Variants in PCDH9 observed in about 807,000 individuals in gnomAD.
PCDH9 encodes protocadherin-9.
PCDH9 carries 24 observed loss-of-function variants against 70.6 expected under a neutral mutation model. That is an observed-to-expected ratio of 0.34 (90% CI 0.25 to 0.48). PCDH9 has a LOEUF of 0.48. Among genes scored for constraint, PCDH9 ranks in the 20% least tolerant of loss-of-function variants. PCDH9 has a pLI of 0.99. For missense variants in PCDH9, 1,281 were observed against 1,503.6 expected, an observed-to-expected ratio of 0.85 and a Z score of 2.45; for synonymous variants, 562 against 558.5, an observed-to-expected ratio of 1.01 and a Z score of -0.09.
At chr13:66,977,887 T>G (rs2083653973) in intron 2 of PCDH9, among the ~76,000 whole-genome samples, 1 of 152,090 alleles carries the variant, frequency 6.6e-6, no homozygotes. Context: ...ACAAGGCAAT[T>G]AAAGGAATGC....
intron 3 of PCDH9, among the ~76,000 whole-genome samples, chr13:66,812,035 T>C (rs1415117570): frequency 6.6e-6 from 1 of 152,076 alleles, no homozygotes; most frequent in Non-Finnish European, 1.5e-5. Context: ...ACAGTAAACG[T>C]TGCACCAAAT....
At chr13:66,612,207 A>G (rs768806145) in intron 4 of PCDH9, among the ~76,000 whole-genome samples, 4 of 152,212 alleles carry the variant, frequency 2.6e-5, no homozygotes, top group Non-Finnish European at 5.9e-5. Flanking sequence ...TGCATAAGGA[A>G]TCTTAAAATG....
intron 3 of PCDH9, among the ~76,000 whole-genome samples, chr13:66,810,519 A>G (rs2080486248): frequency 6.6e-6 from 1 of 152,046 alleles, no homozygotes; most frequent in Non-Finnish European, 1.5e-5. Flanking sequence ...ATAAATGTAA[A>G]GTACTGGGAG....
At chr13:66,483,937 G>C (rs981617384) in intron 4 of PCDH9, among the ~76,000 whole-genome samples, 11 of 152,056 alleles carry the variant, frequency 7.2e-5, no homozygotes, top group Admixed American at 6.6e-4. Flanking sequence ...TATGGCAATC[G>C]GACATCGAGG....
chr13:66,508,734 A>G (rs758318420), intron 4 of PCDH9, among the ~76,000 whole-genome samples: 1 of 152,218 alleles, frequency 6.6e-6, no homozygotes, highest in Non-Finnish European at 1.5e-5. Context: ...CATTCCTACT[A>G]TCTTGCACAG....
At chr13:66,607,538 C>A (rs1167256077) in intron 4 of PCDH9, among the ~76,000 whole-genome samples, 4 of 152,000 alleles carry the variant, frequency 2.6e-5, no homozygotes, top group African/African-American at 9.7e-5. Flanking sequence ...AAAATTACTA[C>A]AATATCCCAA....
intron 2 of PCDH9, among the ~76,000 whole-genome samples, chr13:66,952,550 C>A (rs868149599): frequency 5.3e-5 from 8 of 152,098 alleles, no homozygotes; most frequent in African/African-American, 1.7e-4. Flanking sequence ...AAGAGTAGCA[C>A]GAAGCCAGAC....
chr13:66,843,658 C>A (rs2081154096), intron 3 of PCDH9, among the ~76,000 whole-genome samples: 1 of 152,166 alleles, frequency 6.6e-6, no homozygotes, highest in Non-Finnish European at 1.5e-5. Context: ...GGCTCATTTT[C>A]ATAGGGAGAT....
intron 3 of PCDH9, among the ~76,000 whole-genome samples, chr13:66,685,555 C>G (rs1341595933): frequency 6.6e-6 from 1 of 152,176 alleles, no homozygotes; most frequent in Non-Finnish European, 1.5e-5. Flanking sequence ...TGGGGTACTG[C>G]CTAGTGGAGA....
At chr13:66,710,138 T>A (rs1170888836) in intron 3 of PCDH9, among the ~76,000 whole-genome samples, 1 of 152,174 alleles carries the variant, frequency 6.6e-6, no homozygotes, top group Non-Finnish European at 1.5e-5. Context: ...ATGAGACTTA[T>A]GGACTGAAAT....
chr13:66,392,887 CT>C (rs57735819), intron 4 of PCDH9, among the ~76,000 whole-genome samples: 6,180 of 130,540 alleles, frequency 0.047, 290 homozygotes, highest in African/African-American at 0.13. Context: ...TGGGCATTTG[CT>C]TTTTTTTTTT....
intron 3 of PCDH9, among the ~76,000 whole-genome samples, chr13:66,818,503 G>A (rs985815674): frequency 2.0e-5 from 3 of 152,070 alleles, no homozygotes; most frequent in Admixed American, 6.6e-5. Context: ...CATAGTATCT[G>A]CAGAAAAGAA....
At chr13:66,408,752 A>G (rs965504535) in intron 4 of PCDH9, among the ~76,000 whole-genome samples, 2 of 151,598 alleles carry the variant, frequency 1.3e-5, no homozygotes, top group African/African-American at 4.9e-5. Flanking sequence ...AATAATAATT[A>G]TGGAAGTCAC....
chr13:66,632,055 G>A (rs1400823393), intron 3 of PCDH9, among the ~76,000 whole-genome samples: 8 of 151,988 alleles, frequency 5.3e-5, no homozygotes, highest in African/African-American at 1.5e-4. Context: ...CACCATGCCC[G>A]GCTGAATTTT....
chr13:66,315,582 AG>A (rs1484948799), intron 4 of PCDH9, among the ~76,000 whole-genome samples: 1 of 152,132 alleles, frequency 6.6e-6, no homozygotes, highest in South Asian at 2.1e-4. Flanking sequence ...CCCAGGTTCA[AG>A]TGATTCTCCT....
chr13:66,451,599 A>C (rs1277115320), intron 4 of PCDH9, among the ~76,000 whole-genome samples: 2 of 152,208 alleles, frequency 1.3e-5, no homozygotes, highest in Non-Finnish European at 2.9e-5. Context: ...TTTTATATTC[A>C]AAACACTAGC....
intron 4 of PCDH9, among the ~76,000 whole-genome samples, chr13:66,521,473 T>A (rs2138609993): frequency 6.6e-6 from 1 of 152,268 alleles, no homozygotes; most frequent in African/African-American, 2.4e-5. Context: ...TCACAGATCC[T>A]ATCATAGGTA....
intron 2 of PCDH9, among the ~76,000 whole-genome samples, chr13:67,062,982 T>C (rs2085568392): frequency 1.3e-5 from 2 of 152,152 alleles, no homozygotes; most frequent in South Asian, 2.1e-4. Context: ...ATGATGGTAT[T>C]AGTACTCTAT....
At chr13:66,668,011 G>A (rs2078119890) in intron 3 of PCDH9, among the ~76,000 whole-genome samples, 1 of 152,066 alleles carries the variant, frequency 6.6e-6, no homozygotes, top group Admixed American at 6.6e-5. Flanking sequence ...ATTTTACAGT[G>A]GAATAAACAT....
Sources: gnomAD v4.1 joint callset for allele counts (sites outside exome capture counted in the v4.1 genomes callset) on GRCh38, gnomAD v4.1.1 for gene constraint, MANE v1.5 for transcripts, NCBI Gene and HGNC (gene_info 2026-07-23, HGNC 2026-07-21) for gene names.